PRKD1: variants seen among roughly 807,000 people sequenced by gnomAD.
PRKD1 encodes the protein serine/threonine-protein kinase D1.
Under a neutral mutation model 95.9 loss-of-function variants are expected in PRKD1, and 63 were observed. The ratio of observed to expected loss-of-function variants is 0.66; its 90% CI spans 0.54 to 0.81. The LOEUF (loss-of-function observed/expected upper bound fraction) is 0.81. Among genes scored for constraint, PRKD1 ranks in the 30% least tolerant of loss-of-function variants. The probability of loss-of-function intolerance (pLI) is 0.00; values close to 1 mark genes in which losing one functional copy is unlikely to be tolerated. For missense variants in PRKD1, 1,048 were observed against 1,165.3 expected, an observed-to-expected ratio of 0.90 and a Z score of 1.47; for synonymous variants, 425 against 423.1, an observed-to-expected ratio of 1.00 and a Z score of -0.05.
intron 1 of PRKD1, among the ~76,000 whole-genome samples, chr14:29,788,104 C>T (rs899212326): frequency 1.3e-5 from 2 of 152,142 alleles, no homozygotes; most frequent in Non-Finnish European, 2.9e-5. Context: ...CAGAGCTGGT[C>T]TAACGGTGAT....
At position 29,655,898 on chromosome 14, in the gene PRKD1, A is replaced by G. The variant is rs1881805419; in HGVS notation, c.696+7801T>C. Among the ~76,000 whole-genome samples the G allele has an allele frequency of 2.0e-5, 3 of 151,328 alleles. No homozygotes were observed. The South Asian group carries it at 6.3e-4, about 32-fold the overall frequency. ...TGCAGCACCCTAACATGACACACGT[A>G]CCCTAGAACTTAAAGTATAATAAAA... is the stretch of plus-strand genomic sequence containing the variant. On this transcript the variant is annotated intron_variant, in intron 4 of 17. Coordinates refer to ENST00000331968, the MANE Select transcript of PRKD1 (RefSeq NM_002742.3).
chr14:29,882,234 A>G (rs761604513), intron 1 of PRKD1, among the ~76,000 whole-genome samples: 3 of 152,240 alleles, frequency 2.0e-5, no homozygotes, highest in Non-Finnish European at 2.9e-5. Context: ...TAATCTACAA[A>G]TAATAATTTA....
intron 5 of PRKD1, 36 bp from the exon 6 acceptor site, chr14:29,638,602 A>G: frequency 1.2e-6 from 2 of 1,613,498 alleles, no homozygotes; most frequent in South Asian, 2.2e-5. Context: ...ACAAAATGAG[A>G]ATTTGTCATA....
At chr14:29,771,603 G>C (rs1888510590) in intron 1 of PRKD1, among the ~76,000 whole-genome samples, 1 of 152,158 alleles carries the variant, frequency 6.6e-6, no homozygotes, top group Non-Finnish European at 1.5e-5. Context: ...CCCAGGTAGA[G>C]AGTCCCTACT....
Position 29,790,007 on chromosome 14 carries a change from C to CTTTTTTT in PRKD1, c.265-64340_265-64334dup, listed in dbSNP as rs34880091. Among the ~76,000 whole-genome samples, 15 of 97,314 alleles carry CTTTTTTT rather than the reference C, an allele frequency of 1.5e-4. 2 individuals are homozygous for CTTTTTTT. The highest frequency in any genetic ancestry group is 4.3e-4 in the African/African-American group (10 of 23,502). 63.8% of individuals were successfully genotyped at this position (97,314 alleles called of 152,430 possible). On this transcript the variant is annotated intron_variant, in intron 1 of 17. Transcript: ENST00000331968. ...TTAGAAGCATTACCAAGCAAGTTGT[C>CTTTTTTT]TTTTTTTTTTTTTTTTTTTTTTTGA...
chr14:29,693,651 C>CAA (rs201168452), intron 2 of PRKD1, among the ~76,000 whole-genome samples: 2,730 of 133,462 alleles, frequency 0.02, 89 homozygotes, highest in Admixed American at 0.078. Flanking sequence ...ACAACAACAA[C>CAA]AAAAAAAAAA....
In PRKD1 at chr14:29,767,405, T is replaced by C. The variant is rs531287360; in HGVS notation, c.265-41731A>G. Among the ~76,000 whole-genome samples, 7 of 152,300 alleles carry C rather than the reference T, an allele frequency of 4.6e-5. No individual in the cohort carries two copies. In the South Asian group the frequency reaches 1.0e-3, roughly 23 times the overall value. ...ATAAGGATATTAATATTAATGCTTA[T>C]AAATAGTGTCAGTTGCCCCGTGGTT... On this transcript the variant is annotated intron_variant, in intron 1 of 17. Transcript: ENST00000331968.
intron 1 of PRKD1, among the ~76,000 whole-genome samples, chr14:29,866,817 A>G (rs1256597512): frequency 2.0e-5 from 3 of 152,332 alleles, no homozygotes; most frequent in Non-Finnish European, 2.9e-5. Flanking sequence ...TTAGAATGAT[A>G]AAAGTATTGT....
intron 13 of PRKD1, among the ~76,000 whole-genome samples, chr14:29,611,468 G>A (rs1033143989): frequency 2.0e-5 from 3 of 151,938 alleles, no homozygotes; most frequent in Non-Finnish European, 2.9e-5. Context: ...ATTTTAGGGG[G>A]TGGGGGGAGT....
intron 1 of PRKD1, among the ~76,000 whole-genome samples, chr14:29,761,482 G>A (rs1887977953): frequency 6.6e-6 from 1 of 152,136 alleles, no homozygotes; most frequent in African/African-American, 2.4e-5. Context: ...CATCTGGAAG[G>A]CTGAGGTGTT....
intron 1 of PRKD1, among the ~76,000 whole-genome samples, chr14:29,825,139 A>G (rs1891060237): frequency 6.6e-6 from 1 of 152,058 alleles, no homozygotes; most frequent in Middle Eastern, 3.2e-3. Context: ...GAATTCAAAG[A>G]TATGTGGTCT....
intron 1 of PRKD1, among the ~76,000 whole-genome samples, chr14:29,755,494 G>A (rs984616540): frequency 1.3e-5 from 2 of 152,074 alleles, no homozygotes; most frequent in East Asian, 1.9e-4. Context: ...GACAAACCCC[G>A]GCGACACAGA....
At chr14:29,675,099 C>T (rs766013197) in intron 2 of PRKD1, among the ~76,000 whole-genome samples, 2 of 152,292 alleles carry the variant, frequency 1.3e-5, no homozygotes, top group South Asian at 4.1e-4. Context: ...CCGGCTGTGG[C>T]TCAGGGGCAC....
chr14:29,576,612 T>A lies in PRKD1; in HGVS notation c.*626A>T, dbSNP rs889088999. 3 of 155,776 alleles carry A rather than the reference T, an allele frequency of 1.9e-5. No individual in the cohort carries two copies. Among genetic ancestry groups the A allele is most frequent in the African/African-American group, 4.8e-5 (2 of 41,460 alleles). The allele number at this position is 155,776 out of a possible 1,614,324, so 9.6% of individuals were successfully genotyped here. On this transcript the variant is annotated 3_prime_UTR_variant, in exon 18 of 18. Transcript: ENST00000331968. ...TCTGTTATATATGGCAGTTTACATT[T>A]CTAAGGCATTTAGGCTTAAGAGCAC...
chr14:29,703,075 T>G (rs1488913463), intron 2 of PRKD1, among the ~76,000 whole-genome samples: 3 of 152,176 alleles, frequency 2.0e-5, no homozygotes, highest in Non-Finnish European at 4.4e-5. Flanking sequence ...GTCAAATCTG[T>G]GATTTTTTTT....
chr14:29,617,493 A>C (rs1878946812), intron 13 of PRKD1, among the ~76,000 whole-genome samples: 1 of 152,216 alleles, frequency 6.6e-6, no homozygotes, highest in South Asian at 2.1e-4. Context: ...TCTGTATTCT[A>C]TATTCAGTGC....
intron 1 of PRKD1, among the ~76,000 whole-genome samples, chr14:29,868,307 C>T (rs1892981294): frequency 6.6e-6 from 1 of 152,160 alleles, no homozygotes; most frequent in Non-Finnish European, 1.5e-5. Context: ...TCCTTGCTAC[C>T]ACTCTGGTAA....
intron 1 of PRKD1, among the ~76,000 whole-genome samples, chr14:29,785,854 T>C (rs1232469974): frequency 7.0e-6 from 1 of 143,238 alleles, no homozygotes; most frequent in East Asian, 2.0e-4. Context: ...AATAAATAAA[T>C]AAATAAAAGT....
At chr14:29,728,630 G>A (rs1439116504) in intron 1 of PRKD1, among the ~76,000 whole-genome samples, 2 of 152,026 alleles carry the variant, frequency 1.3e-5, no homozygotes, top group African/African-American at 2.4e-5. Flanking sequence ...TTACTTATTA[G>A]TATTTCATTA....
Sources: allele counts gnomAD v4.1 joint callset (sites outside exome capture counted in the v4.1 genomes callset), GRCh38; gene constraint gnomAD v4.1.1; transcripts MANE v1.5; gene names NCBI Gene and HGNC (gene_info 2026-07-23, HGNC 2026-07-21).